Variants in TECRL observed in about 807,000 individuals in gnomAD.
The protein encoded by TECRL is trans-2,3-enoyl-CoA reductase like, also known as trans-2,3-enoyl-CoA reductase-like.
A neutral mutation model predicts 52.8 loss-of-function variants in TECRL; 63 were observed. That is an observed-to-expected ratio of 1.19 (90% CI 0.97 to 1.47). TECRL has a LOEUF of 1.47. Among genes scored for constraint, TECRL ranks in the 40% most tolerant of loss-of-function variants. TECRL has a pLI of 0.00. For missense variants in TECRL, 482 were observed against 429.6 expected (o/e 1.12, Z -1.08); for synonymous variants, 164 against 141.9 (o/e 1.16, Z -1.10).
rs114258858 is a variant in TECRL, at chr4:64,309,236, C to T, written c.657+590G>A. Among the ~76,000 whole-genome samples the T allele has an allele frequency of 6.6e-3, 999 of 152,268 alleles. 8 individuals carry two copies. The highest frequency in any genetic ancestry group is 0.023 in the African/African-American group (948 of 41,574). On this transcript the variant is annotated intron_variant, in intron 6 of 11. Coordinates refer to ENST00000381210, the MANE Select transcript of TECRL (RefSeq NM_001010874.5). ...GACAAAAAACAGGACACTTTTTTTA[C>T]AGACAAACCTTTTTCTGAAAATAGA... is the stretch of plus-strand genomic sequence containing the variant.
At chr4:64,283,169 A>G (rs181067983) in intron 9 of TECRL, among the ~76,000 whole-genome samples, 5 of 152,188 alleles carry the variant, frequency 3.3e-5, no homozygotes, top group African/African-American at 4.8e-5. Flanking sequence ...CAGTTTTAGA[A>G]TGTCCCATGC....
At chr4:64,385,001 C>A (rs1318267466) in intron 1 of TECRL, among the ~76,000 whole-genome samples, 1 of 152,136 alleles carries the variant, frequency 6.6e-6, no homozygotes, top group Non-Finnish European at 1.5e-5. Context: ...AGTTCCCAGG[C>A]CCATGGATGA....
chr4:64,397,898 A>ATGTGTGTGTGTGTG (rs56714682), intron 1 of TECRL: 2 of 150,078 alleles, frequency 1.3e-5, no homozygotes, highest in African/African-American at 4.9e-5. Context: ...GGAAAGAAAT[A>ATGTGTGTGTGTGTG]TGTGTGTGTG....
intron 7 of TECRL, among the ~76,000 whole-genome samples, chr4:64,300,774 G>T (rs972194969): frequency 1.3e-5 from 2 of 150,776 alleles, no homozygotes; most frequent in Admixed American, 6.6e-5. Flanking sequence ...TAAAATGTGC[G>T]TTTTTCACCT....
At chr4:64,299,012 T>G (rs1264571564) in intron 8 of TECRL, 1 of 151,226 alleles carries the variant, frequency 6.6e-6, no homozygotes, top group Non-Finnish European at 1.5e-5. Context: ...ATTTTCAACA[T>G]ATTGTTGAAG....
intron 2 of TECRL, among the ~76,000 whole-genome samples, chr4:64,333,003 G>A (rs533943900): frequency 2.0e-5 from 3 of 151,754 alleles, no homozygotes; most frequent in African/African-American, 7.2e-5. Context: ...AAGAATTACT[G>A]TAAATAACTA....
rs564674812 is a variant in TECRL at position 64,290,855 on chromosome 4, A to C, written c.775-1088T>G. Among the ~76,000 whole-genome samples the C allele has an allele frequency of 1.4e-3, 212 of 152,278 alleles. 1 individual carries two copies. The highest frequency in any genetic ancestry group is 4.9e-3 in the African/African-American group (202 of 41,570). ...CCCAGGACATAATGTAAACAAATAC[A>C]CCAAATATATTAAATCTGTATTTAA... On this transcript the variant is annotated intron_variant, in intron 8 of 11. Coordinates refer to ENST00000381210, the MANE Select transcript of TECRL (RefSeq NM_001010874.5).
chr4:64,384,847 A>G (rs1165084338), intron 1 of TECRL, among the ~76,000 whole-genome samples: 2 of 152,172 alleles, frequency 1.3e-5, no homozygotes, highest in Non-Finnish European at 2.9e-5. Flanking sequence ...ATGTGCACAG[A>G]CACTGGAAAA....
intron 3 of TECRL, among the ~76,000 whole-genome samples, chr4:64,326,042 C>T (rs542690716): frequency 5.9e-5 from 9 of 152,202 alleles, no homozygotes; most frequent in Admixed American, 5.9e-4. Context: ...GATCATGCTT[C>T]AGCCACTTAA....
At chr4:64,403,475 G>GCGCACACACA (rs59253067) in intron 1 of TECRL, among the ~76,000 whole-genome samples, 2,450 of 148,234 alleles carry the variant, frequency 0.017, 57 homozygotes, top group East Asian at 0.1. Context: ...CTCCCTGAGC[G>GCGCACACACA]CACACACACA....
rs74418503 is a variant in TECRL at position 64,404,220 on chromosome 4, CAAAAAA to C, written c.234+4892_234+4897del. Among the ~76,000 whole-genome samples the C allele has an allele frequency of 1.0e-4, 12 of 115,902 alleles. No homozygotes were observed. The Admixed American group carries it at 1.1e-3, about 10-fold the overall frequency. 76.0% of individuals were successfully genotyped at this position (115,902 alleles called of 152,430 possible). Reference sequence around the variant, plus strand: ...TTTAAAAAGCTTTTGAGAGTTTTACCAAAAAAAAAAAAAAAACAATAGGAGAAAGAG... The same window carrying C: ...TTTAAAAAGCTTTTGAGAGTTTTACCAAAAAAAAAACAATAGGAGAAAGAG... On this transcript the variant is annotated intron_variant, in intron 1 of 11. Coordinates refer to ENST00000381210, the MANE Select transcript of TECRL (RefSeq NM_001010874.5).
At chr4:64,392,669 C>T (rs906207687) in intron 1 of TECRL, among the ~76,000 whole-genome samples, 8 of 151,912 alleles carry the variant, frequency 5.3e-5, no homozygotes, top group Admixed American at 2.6e-4. Context: ...TGTCTGTCAG[C>T]TTCACAAGCT....
intron 8 of TECRL, among the ~76,000 whole-genome samples, chr4:64,294,645 A>G (rs1420898181): frequency 2.6e-5 from 4 of 152,168 alleles, no homozygotes; most frequent in South Asian, 2.1e-4. Flanking sequence ...GCATGCTTAC[A>G]TATCTTCTAA....
intron 4 of TECRL, 112 bp downstream of exon 4, chr4:64,322,577 C>T (rs1468335571): frequency 4.9e-6 from 3 of 608,978 alleles, no homozygotes; most frequent in East Asian, 3.7e-5. Context: ...ATTAAAAATA[C>T]CTTTCACTAC....
rs144850125 is a variant in TECRL, at chr4:64,307,952, C to T, written c.657+1874G>A. ...ATATGGGAAGATGGAGGAGAAAACA[C>T]TTTCAAATGTGCATACTGGAGGACT... is the stretch of plus-strand genomic sequence containing the variant. On this transcript the variant is annotated intron_variant, in intron 6 of 11. Transcript: ENST00000381210. Among the ~76,000 whole-genome samples, 385 of 152,262 alleles carry T rather than the reference C, an allele frequency of 2.5e-3. 6 individuals carry two copies. The highest frequency in any genetic ancestry group is 8.4e-3 in the African/African-American group (351 of 41,556).
chr4:64,286,532 CG>C (rs1723090608), intron 9 of TECRL, among the ~76,000 whole-genome samples: 1 of 140,230 alleles, frequency 7.1e-6, no homozygotes, highest in South Asian at 2.4e-4. Context: ...TTTTTTAGAA[CG>C]TAAAAAAAAA....
At chr4:64,347,430 C>A (rs1395356648) in intron 2 of TECRL, among the ~76,000 whole-genome samples, 2 of 152,146 alleles carry the variant, frequency 1.3e-5, no homozygotes, top group Non-Finnish European at 2.9e-5. Context: ...GCCTTAAAAT[C>A]TACTCCTTTA....
rs548080008 is a variant in TECRL, at chr4:64,347,487, C to T, written c.287-18931G>A. 6.9e-4 allele frequency among the ~76,000 whole-genome samples: 105 copies of T among 152,208 alleles called. 1 individual carries two copies. Among genetic ancestry groups the T allele is most frequent in the Admixed American group, 1.2e-3 (18 of 15,292 alleles). The stretch of plus-strand genomic sequence containing the variant: ...TTTCACACAACTGTAAAGATACTAC[C>T]CAAGACAGGCAATTTATAAGGAAAG... On this transcript the variant is annotated intron_variant, in intron 2 of 11. Transcript: ENST00000381210.
At chr4:64,394,254 G>T (rs563325489) in intron 1 of TECRL, among the ~76,000 whole-genome samples, 9 of 152,256 alleles carry the variant, frequency 5.9e-5, no homozygotes, top group Admixed American at 2.6e-4. Flanking sequence ...CTCCACTGCA[G>T]TATGGCAGGT....
Sources: gnomAD v4.1 joint callset for allele counts (sites outside exome capture counted in the v4.1 genomes callset) on GRCh38, gnomAD v4.1.1 for gene constraint, MANE v1.5 for transcripts, NCBI Gene and HGNC (gene_info 2026-07-23, HGNC 2026-07-21) for gene names.